C11orf65: variants seen among roughly 807,000 people sequenced by gnomAD.
C11orf65 encodes the protein chromosome 11 open reading frame 65.
In C11orf65, 38 loss-of-function variants were observed where a neutral mutation model predicts 35.3. The ratio of observed to expected loss-of-function variants is 1.08; its 90% CI spans 0.83 to 1.41. The LOEUF is 1.41. C11orf65 is among the 40% of genes most tolerant of loss of function. The probability of loss-of-function intolerance (pLI) is 0.00; values close to 1 mark genes in which losing one functional copy is unlikely to be tolerated. For missense variants in C11orf65, 370 were observed against 367.1 expected, an observed-to-expected ratio of 1.01 and a Z score of -0.06; for synonymous variants, 105 against 114.4, an observed-to-expected ratio of 0.92 and a Z score of 0.53.
chr11:108,425,895 A>G (rs892711056), intron 3 of C11orf65, among the ~76,000 whole-genome samples: 3 of 152,208 alleles, frequency 2.0e-5, no homozygotes, highest in Non-Finnish European at 4.4e-5. Context: ...AATTACAAAA[A>G]CCACGTGATT....
At chr11:108,449,274 GAA>G (rs1408707556) in intron 2 of C11orf65, among the ~76,000 whole-genome samples, 1 of 151,706 alleles carries the variant, frequency 6.6e-6, no homozygotes, top group East Asian at 1.9e-4. Context: ...CACAGAATTG[GAA>G]AAGACTACTT....
intron 1 of C11orf65, among the ~76,000 whole-genome samples, chr11:108,463,830 TA>T (rs1307944108): frequency 6.6e-6 from 1 of 152,120 alleles, no homozygotes; most frequent in Non-Finnish European, 1.5e-5. Flanking sequence ...GAAACTGAGA[TA>T]ACATTTTAAG....
chr11:108,464,944 A>G (rs2093516900), intron 1 of C11orf65, among the ~76,000 whole-genome samples: 1 of 152,166 alleles, frequency 6.6e-6, no homozygotes, highest in South Asian at 2.1e-4. Flanking sequence ...TAAACATTCT[A>G]TGGGAATGCT....
At chr11:108,342,372 G>A (rs1315478872) in intron 2 of C11orf65, among the ~76,000 whole-genome samples, 1 of 152,158 alleles carries the variant, frequency 6.6e-6, no homozygotes, top group Non-Finnish European at 1.5e-5. Context: ...TGCTCACATA[G>A]TTAGGATAAA....
intron 2 of C11orf65, among the ~76,000 whole-genome samples, chr11:108,357,958 G>A (rs897618900): frequency 2.7e-5 from 4 of 149,958 alleles, no homozygotes; most frequent in East Asian, 1.9e-4. Context: ...TGACTTTGAC[G>A]AGCTGAGAGA....
In C11orf65 at chr11:108,340,750, A is replaced by G. The variant is rs1048937965; in HGVS notation, c.227-5458T>C. On this transcript the variant is annotated intron_variant, in intron 2 of 3. Coordinates refer to the C11orf65 transcript ENST00000524755. Reference sequence around the variant, plus strand: ...ATTGTTTCCAGAGCCCCCTGTGGATACTAAAATCAAGTCCCTTATATACAG... The same window carrying G: ...ATTGTTTCCAGAGCCCCCTGTGGATGCTAAAATCAAGTCCCTTATATACAG... Among the ~76,000 whole-genome samples, 4 of 152,332 alleles carry G rather than the reference A, an allele frequency of 2.6e-5. No individual in the cohort carries two copies. In the South Asian group the frequency reaches 6.2e-4, roughly 24 times the overall value.
In C11orf65 at chr11:108,407,150, CTA is replaced by C; in HGVS notation, c.175-3_175-2del. 1 of 1,593,652 alleles carries C rather than the reference CTA, an allele frequency of 6.3e-7. No individual in the cohort carries two copies. The highest frequency in any genetic ancestry group is 1.3e-5 in the African/African-American group (1 of 74,388). ...CAGCAGCAGCATCTAGAAGCTCTGCCTATAAGAAAATATATTATTCTTATATA... is the reference window on the plus strand; with the variant it reads ...CAGCAGCAGCATCTAGAAGCTCTGCCTAAGAAAATATATTATTCTTATATA... On this transcript the variant is annotated splice_acceptor_variant and splice_polypyrimidine_tract_variant and intron_variant, in intron 3 of 8. Coordinates refer to ENST00000393084, the MANE Select transcript of C11orf65 (RefSeq NM_152587.5). LOFTEE classifies it high-confidence loss of function.
chr11:108,403,326 T>C (rs1450842223), intron 6 of C11orf65, among the ~76,000 whole-genome samples: 1 of 152,068 alleles, frequency 6.6e-6, no homozygotes, highest in Non-Finnish European at 1.5e-5. Context: ...GGTTGAGTTA[T>C]GCTAATTTGC....
rs1311451261 is a variant in C11orf65 at position 108,405,584 on chromosome 11, A to G, written c.430-25T>C. 5.6e-6 allele frequency: 9 copies of G among 1,608,552 alleles called. No homozygotes were observed. In the Admixed American group the frequency reaches 1.5e-4, roughly 27 times the overall value. On this transcript the variant is annotated intron_variant, in intron 5 of 8. Transcript: ENST00000393084. ...ACTATTGAGAAACAAAAATGAACAT[A>G]CAAAATGTTGAAATATCGATTGTGA...
intron 2 of C11orf65, among the ~76,000 whole-genome samples, chr11:108,357,692 C>T (rs1353349731): frequency 2.6e-5 from 4 of 152,274 alleles, no homozygotes; most frequent in East Asian, 1.9e-4. Context: ...CACACTGACA[C>T]CTCACACGGC....
At chr11:108,326,005 G>A (rs2136328445) in intron 6 of C11orf65, 1 of 1,578,368 alleles carries the variant, frequency 6.3e-7, no homozygotes, top group Non-Finnish European at 8.7e-7. Context: ...ATTATTCATG[G>A]TAGTAGTATC....
intron 2 of C11orf65, among the ~76,000 whole-genome samples, chr11:108,362,941 A>G (rs2090953919): frequency 6.6e-6 from 1 of 152,098 alleles, no homozygotes; most frequent in South Asian, 2.1e-4. Context: ...CTAAAACATA[A>G]AAGTATAATT....
intron 2 of C11orf65, among the ~76,000 whole-genome samples, chr11:108,359,654 G>A (rs1017968489): frequency 4.6e-5 from 7 of 152,020 alleles, no homozygotes; most frequent in East Asian, 1.9e-4. Context: ...ACTCAAAACC[G>A]CTCAACTACA....
At chr11:108,433,663 T>C (rs1307729235) in intron 2 of C11orf65, among the ~76,000 whole-genome samples, 22 of 152,164 alleles carry the variant, frequency 1.4e-4, no homozygotes, top group Non-Finnish European at 2.5e-4. Context: ...TAAGGCCTTA[T>C]CTTGGAAGTC....
intron 2 of C11orf65, among the ~76,000 whole-genome samples, chr11:108,450,788 T>TA (rs1427588235): frequency 1.3e-5 from 2 of 150,760 alleles, no homozygotes; most frequent in South Asian, 2.1e-4. Flanking sequence ...AATAAAATTT[T>TA]AAAAAAAAGC....
At chr11:108,464,096 T>A (rs1434036074) in intron 1 of C11orf65, among the ~76,000 whole-genome samples, 1 of 151,520 alleles carries the variant, frequency 6.6e-6, no homozygotes, top group African/African-American at 2.4e-5. Flanking sequence ...CTGGCTAATT[T>A]TTGTATTTTT....
downstream of C11orf65, chr11:108,328,975 T>G: frequency 1.3e-6 from 2 of 1,532,964 alleles, no homozygotes; most frequent in Non-Finnish European, 1.8e-6. Flanking sequence ...TTTAGATGTA[T>G]TTAGTATTTG....
At chr11:108,372,328 G>A (rs1400240055) in intron 2 of C11orf65, among the ~76,000 whole-genome samples, 1 of 152,090 alleles carries the variant, frequency 6.6e-6, no homozygotes. Flanking sequence ...CAAGTAGCTG[G>A]GACTACAGGT....
At chr11:108,467,924 C>T (rs760861554), upstream of C11orf65, among the ~76,000 whole-genome samples, 64 of 152,128 alleles carry the variant, frequency 4.2e-4, no homozygotes, top group Non-Finnish European at 6.3e-4. Context: ...TCCCCTGGCT[C>T]AGGTGATTCT....
Sources: gnomAD v4.1 joint callset for allele counts (sites outside exome capture counted in the v4.1 genomes callset) on GRCh38, gnomAD v4.1.1 for gene constraint, MANE v1.5 for transcripts, NCBI Gene and HGNC (gene_info 2026-07-23, HGNC 2026-07-21) for gene names.